Variants in MARCHF1 observed in about 807,000 individuals in gnomAD.
MARCHF1 encodes the protein membrane associated ring-CH-type finger 1.
Under a neutral mutation model 54.2 loss-of-function variants are expected in MARCHF1, and 40 were observed. The ratio of observed to expected loss-of-function variants is 0.74; its 90% CI spans 0.57 to 0.96. The LOEUF is 0.96. MARCHF1 is among the 40% of genes least tolerant of loss of function. The pLI is 0.00. For missense variants in MARCHF1, 586 were observed against 656.5 expected (o/e 0.89, Z 1.17); for synonymous variants, 236 against 236.3 (o/e 1.00, Z 0.01).
chr4:164,188,300 G>T, intron 1 of MARCHF1: 1 of 317,238 alleles, frequency 3.2e-6, no homozygotes, highest in East Asian at 6.9e-5. Flanking sequence ...GTGAGAGGCG[G>T]GTAACCGCGC....
At chr4:164,306,558 C>T (rs1734699931) in intron 1 of MARCHF1, among the ~76,000 whole-genome samples, 1 of 152,106 alleles carries the variant, frequency 6.6e-6, no homozygotes, top group Non-Finnish European at 1.5e-5. Flanking sequence ...TGAGTTCAGC[C>T]TACCTCTTAG....
rs1753679140 is a variant in MARCHF1 at position 164,022,115 on chromosome 4, AT to A, written c.-247-33407del. On this transcript the variant is annotated intron_variant, in intron 2 of 9. Coordinates refer to ENST00000514618, the MANE Select transcript of MARCHF1 (RefSeq NM_001394959.1). The stretch of plus-strand genomic sequence containing the variant: ...TATACAAGTACAATATATTGTCATT[AT>A]TTTTTCTTTAGTTAAACCCCATTGA... Among the ~76,000 whole-genome samples the A allele has an allele frequency of 6.6e-5, 10 of 151,950 alleles. No homozygotes were observed. The South Asian group carries it at 2.1e-3, about 31-fold the overall frequency.
At position 164,242,568 on chromosome 4, in the gene MARCHF1, C is replaced by A. The variant is rs563611372; in HGVS notation, c.-322-130906G>T. On this transcript the variant is annotated intron_variant, in intron 1 of 9. Transcript: ENST00000514618. ...AAACTGGAAACTCTAAAAAGCAGAGCGCCTCTCCTCCTCCAAAGGAATGCA... is the reference window on the plus strand; with the variant it reads ...AAACTGGAAACTCTAAAAAGCAGAGAGCCTCTCCTCCTCCAAAGGAATGCA... Among the ~76,000 whole-genome samples the A allele has an allele frequency of 1.2e-4, 18 of 152,082 alleles. No homozygotes were observed. In the South Asian group the frequency reaches 3.5e-3, roughly 30 times the overall value.
chr4:163,909,097 T>A (rs1393894082), intron 3 of MARCHF1, among the ~76,000 whole-genome samples: 1 of 152,184 alleles, frequency 6.6e-6, no homozygotes, highest in Non-Finnish European at 1.5e-5. Flanking sequence ...CTTTTAGGAT[T>A]AAAAATTATT....
intron 2 of MARCHF1, among the ~76,000 whole-genome samples, chr4:164,000,637 G>A (rs1753168535): frequency 6.6e-6 from 1 of 151,580 alleles, no homozygotes; most frequent in African/African-American, 2.4e-5. Context: ...AAGTCACTGT[G>A]GAGGTTACAT....
intron 4 of MARCHF1, among the ~76,000 whole-genome samples, chr4:163,717,062 T>G (rs925379390): frequency 1.3e-5 from 2 of 151,918 alleles, no homozygotes; most frequent in African/African-American, 2.4e-5. Context: ...TTGTTACATA[T>G]GTATACATGT....
chr4:163,932,857 G>C (rs1355074844), intron 3 of MARCHF1: 1 of 628,898 alleles, frequency 1.6e-6, no homozygotes, highest in East Asian at 3.9e-5. Context: ...AATCCAGAGA[G>C]TGGGGTCTTC....
At chr4:164,226,685 T>C (rs1732264726) in intron 1 of MARCHF1, among the ~76,000 whole-genome samples, 1 of 151,984 alleles carries the variant, frequency 6.6e-6, no homozygotes, top group South Asian at 2.1e-4. Context: ...ATAAAATATA[T>C]ATAAAACTTT....
chr4:164,366,548 C>A (rs1256755637), intron 1 of MARCHF1, among the ~76,000 whole-genome samples: 4 of 151,696 alleles, frequency 2.6e-5, no homozygotes, highest in African/African-American at 7.3e-5. Context: ...CATAGACATA[C>A]AACAAATACT....
intron 3 of MARCHF1, among the ~76,000 whole-genome samples, chr4:163,986,246 CTTCTTTTTTTTTTTTTT>C (rs1455426225): frequency 1.1e-4 from 8 of 73,774 alleles, no homozygotes; most frequent in Admixed American, 7.7e-4. Flanking sequence ...TAATTAACCT[CTTCTTTTTTTTTTTTTT>C]TTTTTTTTTT....
chr4:163,553,467 G>A (rs1303661429), intron 8 of MARCHF1, among the ~76,000 whole-genome samples: 1 of 152,146 alleles, frequency 6.6e-6, no homozygotes, highest in Non-Finnish European at 1.5e-5. Flanking sequence ...AGTCTCATAT[G>A]TCTCATATCA....
At chr4:164,143,822 A>G (rs888810761) in intron 1 of MARCHF1, among the ~76,000 whole-genome samples, 1 of 152,190 alleles carries the variant, frequency 6.6e-6, no homozygotes, top group African/African-American at 2.4e-5. Flanking sequence ...ACACATAACA[A>G]TATTGACTTT....
At position 163,676,185 on chromosome 4, in the gene MARCHF1, CAAAAA is replaced by C. The variant is rs869219643; in HGVS notation, c.162+24623_162+24627del. Among the ~76,000 whole-genome samples, 283 of 89,252 alleles carry C rather than the reference CAAAAA, an allele frequency of 3.2e-3. 1 individual carries two copies. Among genetic ancestry groups the C allele is most frequent in the African/African-American group, 0.012 (266 of 21,966 alleles). The allele number at this position is 89,252 out of a possible 152,430, so 58.6% of individuals were successfully genotyped here. On this transcript the variant is annotated intron_variant, in intron 5 of 9. Coordinates refer to ENST00000514618, the MANE Select transcript of MARCHF1 (RefSeq NM_001394959.1). ...TGTAACCCCATCTCTACTAAAAATA[CAAAAA>C]AAAAAAAAAAAAAAAAATTAGCTGG...
chr4:163,837,219 T>G (rs1749214514), intron 4 of MARCHF1, among the ~76,000 whole-genome samples: 1 of 152,158 alleles, frequency 6.6e-6, no homozygotes, highest in African/African-American at 2.4e-5. Flanking sequence ...GTGACGTTAT[T>G]TCAATACTGT....
chr4:163,614,881 G>C (rs1313660497), intron 5 of MARCHF1, among the ~76,000 whole-genome samples: 2 of 151,934 alleles, frequency 1.3e-5, no homozygotes, highest in Non-Finnish European at 2.9e-5. Flanking sequence ...ATGAATAGAG[G>C]TAAGAAAGGA....
intron 4 of MARCHF1, among the ~76,000 whole-genome samples, chr4:163,836,512 T>TG (rs200943800): frequency 0.83 from 106,076 of 128,252 alleles, 45,000 homozygotes; most frequent in South Asian, 0.96. Context: ...CCCAAAGTGC[T>TG]GGGATTACAG....
chr4:164,016,285 G>A (rs187630669), intron 2 of MARCHF1, among the ~76,000 whole-genome samples: 37 of 152,146 alleles, frequency 2.4e-4, no homozygotes, highest in Admixed American at 1.0e-3. Context: ...TGAAGGAAGC[G>A]AAGGGGGAAG....
chr4:163,587,602 G>A (rs528541836), intron 7 of MARCHF1, among the ~76,000 whole-genome samples: 19 of 152,090 alleles, frequency 1.2e-4, no homozygotes, highest in Non-Finnish European at 2.6e-4. Flanking sequence ...AATAAACACT[G>A]GAGATTGTTG....
rs1738228131 is a variant in MARCHF1 at position 163,528,610 on chromosome 4, G to A, written c.*138C>T. 1.1e-6 allele frequency: 1 copy of A among 888,856 alleles called. No homozygotes were observed. Among genetic ancestry groups the A allele is most frequent in the Non-Finnish European group, 1.7e-6 (1 of 596,940 alleles). 55.1% of individuals were successfully genotyped at this position (888,856 alleles called of 1,614,324 possible). On this transcript the variant is annotated 3_prime_UTR_variant, in exon 10 of 10. Transcript: ENST00000514618. The stretch of plus-strand genomic sequence containing the variant: ...TGTTTGTTTTTCTCCTTTCCTCTTT[G>A]AACAAAGTCAGGAAAAATGTGTCAG...
Sources: allele counts gnomAD v4.1 joint callset (sites outside exome capture counted in the v4.1 genomes callset), GRCh38; gene constraint gnomAD v4.1.1; transcripts MANE v1.5; gene names NCBI Gene and HGNC (gene_info 2026-07-23, HGNC 2026-07-21).